The following GLOD4 variants were observed in gnomAD, a reference collection of about 807,000 sequenced individuals.
GLOD4 encodes glyoxalase domain-containing protein 4.
A neutral mutation model predicts 39.1 loss-of-function variants in GLOD4; 44 were observed. That is an observed-to-expected ratio of 1.13 (90% CI 0.88 to 1.45). GLOD4 has a LOEUF of 1.45. Ranked by LOEUF, GLOD4 falls within the 40% of genes most tolerant of loss-of-function variation. The pLI, the probability that GLOD4 is intolerant of heterozygous loss-of-function variation, is 0.00. For synonymous variants in GLOD4, 145 were observed against 135.0 expected, an observed-to-expected ratio of 1.07 and a Z score of -0.52; for missense variants, 405 against 366.4, an observed-to-expected ratio of 1.11 and a Z score of -0.86.
chr17:760,019 G>A lies in GLOD4; in HGVS notation c.*154C>T. ...GATTTCATTTCTAAATTACATCAGAGCTTTCAAAGATTGAAATACACAAAT... is the reference window on the plus strand; with the variant it reads ...GATTTCATTTCTAAATTACATCAGAACTTTCAAAGATTGAAATACACAAAT... On this transcript the variant is annotated 3_prime_UTR_variant, in exon 9 of 9. Coordinates refer to ENST00000301329, the MANE Select transcript of GLOD4 (RefSeq NM_016080.4). 1.6e-6 allele frequency: 1 copy of A among 617,344 alleles called. No homozygotes were observed. The highest frequency in any genetic ancestry group is 2.9e-6 in the Non-Finnish European group (1 of 341,674). The allele number at this position is 617,344 out of a possible 1,614,324, so 38.2% of individuals were successfully genotyped here.
chr17:777,105 T>C (rs1909095835), intron 2 of GLOD4, 117 bp from the exon 3 acceptor site: 1 of 953,882 alleles, frequency 1.0e-6, no homozygotes. Context: ...AAAGTTCTCT[T>C]AAGGATGAGA....
At chr17:766,322 G>A (rs1278655772) in intron 8 of GLOD4, among the ~76,000 whole-genome samples, 3 of 149,602 alleles carry the variant, frequency 2.0e-5, no homozygotes, top group East Asian at 2.0e-4. Flanking sequence ...GGGCCCAGGC[G>A]TGGTGGCTCA....
rs151215297 is a variant in GLOD4, at chr17:771,335, G to A, written c.533C>T (p.Ala178Val). 117 of 1,593,248 alleles carry A rather than the reference G, an allele frequency of 7.3e-5. No individual in the cohort carries two copies. The African/African-American group carries it at 1.5e-3, about 20-fold the overall frequency. Residue 178 changes from alanine (A) to valine (V), a missense_variant, in exon 5 of 9, where the codon GCT becomes GTT. Transcript: ENST00000301329. ...TCCAAGATTGCTCACCTGGTTATCA[G>A]CATAGCCCAGCAAAGCCCTTTGCTT... is the stretch of plus-strand genomic sequence containing the variant. ...EEKQRALLGY[A>V]DNQCKLELQG...
upstream of GLOD4, chr17:783,339 C>A: frequency 3.9e-6 from 6 of 1,556,856 alleles, no homozygotes; most frequent in Non-Finnish European, 4.3e-6. Flanking sequence ...TTAGTGATTA[C>A]CCAGTGTATC....
At chr17:777,140 G>T in intron 2 of GLOD4, 152 bp from the exon 3 acceptor site, 2 of 670,182 alleles carry the variant, frequency 3.0e-6, no homozygotes, top group Non-Finnish European at 5.2e-6. Flanking sequence ...ACAGAAAGCA[G>T]CTGTGGGCAG....
Position 760,012 on chromosome 17 carries a change from C to T in GLOD4, c.*161G>A, listed in dbSNP as rs926069198. On this transcript the variant is annotated 3_prime_UTR_variant, in exon 9 of 9. Transcript: ENST00000301329. ...ATGATTGGATTTCATTTCTAAATTA[C>T]ATCAGAGCTTTCAAAGATTGAAATA... The T allele has an allele frequency of 4.9e-6, 3 of 610,466 alleles. No individual in the cohort carries two copies. The highest frequency in any genetic ancestry group is 5.9e-6 in the Non-Finnish European group (2 of 338,930). The allele number at this position is 610,466 out of a possible 1,614,324, so 37.8% of individuals were successfully genotyped here. A position where few individuals can be genotyped will look rare whatever the true frequency, so the allele number is the denominator to read the frequency against.
At chr17:768,907 C>T (rs979720835) in intron 8 of GLOD4, among the ~76,000 whole-genome samples, 148 of 150,794 alleles carry the variant, frequency 9.8e-4, no homozygotes, top group Non-Finnish European at 1.4e-3. Flanking sequence ...AAACAGCGCG[C>T]ACTCAGATTT....
chr17:778,954 G>A, intron 1 of GLOD4: 2 of 574,886 alleles, frequency 3.5e-6, no homozygotes, highest in African/African-American at 1.9e-5. Flanking sequence ...CAAATCAGTT[G>A]TGAAATCTAT....
chr17:772,187 G>GAAAAAAAAAA (rs58914913), intron 4 of GLOD4, among the ~76,000 whole-genome samples: 1 of 50,854 alleles, frequency 2.0e-5, no homozygotes, highest in Admixed American at 3.3e-4. Context: ...ACCCTATCTC[G>GAAAAAAAAAA]AAAAAAAAAA....
intron 8 of GLOD4, among the ~76,000 whole-genome samples, chr17:761,329 T>C (rs1052558607): frequency 6.6e-6 from 1 of 151,156 alleles, no homozygotes; most frequent in African/African-American, 2.5e-5. Flanking sequence ...AGTTGGACCG[T>C]TTCATTTCTA....
In GLOD4 at chr17:781,788, T is replaced by G. The variant is rs184483599; in HGVS notation, c.90+378A>C. ...AGAAGCAGAACTCTGAATACGCTGATTTTATCTACATCAAAGGCTCCAAAC... is the reference window on the plus strand; with the variant it reads ...AGAAGCAGAACTCTGAATACGCTGAGTTTATCTACATCAAAGGCTCCAAAC... On this transcript the variant is annotated intron_variant, in intron 1 of 8. Coordinates refer to ENST00000301329, the MANE Select transcript of GLOD4 (RefSeq NM_016080.4). The G allele has an allele frequency of 2.0e-3, 426 of 211,710 alleles. 2 individuals carry two copies. The highest frequency in any genetic ancestry group is 9.5e-3 in the African/African-American group (410 of 43,264). The allele number at this position is 211,710 out of a possible 1,614,324, so 13.1% of individuals were successfully genotyped here. A position where few individuals can be genotyped will look rare whatever the true frequency, so the allele number is the denominator to read the frequency against.
At chr17:774,078 G>A (rs753792934) in intron 4 of GLOD4, among the ~76,000 whole-genome samples, 2 of 152,166 alleles carry the variant, frequency 1.3e-5, no homozygotes, top group African/African-American at 4.8e-5. Context: ...AGCTGCAAGC[G>A]TTAAGTTTTA....
At chr17:762,507 CGTG>C (rs1905663822) in intron 8 of GLOD4, among the ~76,000 whole-genome samples, 1 of 136,710 alleles carries the variant, frequency 7.3e-6, no homozygotes, top group Non-Finnish European at 1.6e-5. Flanking sequence ...CTACTCAGTG[CGTG>C]ATCTTCAGGG....
In GLOD4 at chr17:775,850, C is replaced by A; in HGVS notation, c.331G>T (p.Ala111Ser). The change falls in exon 4 of 9, where the codon GCA (alanine) becomes TCA (serine). Residue 111 changes from alanine (A) to serine (S), a missense_variant. Coordinates refer to ENST00000301329, the MANE Select transcript of GLOD4 (RefSeq NM_016080.4). Reference protein sequence around the residue: ...RKLEWPLTEVAEGVFETEAPG... With the variant: ...RKLEWPLTEVSEGVFETEAPG... ...GCCTCGGTTTCAAAAACACCTTCTG[C>A]AACTTCCGTCAGTGGCCACTCCAGC... 6.2e-7 allele frequency: 1 copy of A among 1,613,586 alleles called. No individual in the cohort carries two copies. The highest frequency in any genetic ancestry group is 8.5e-7 in the Non-Finnish European group (1 of 1,179,494).
upstream of GLOD4, among the ~76,000 whole-genome samples, chr17:785,875 A>G (rs935516558): frequency 6.6e-6 from 1 of 152,244 alleles, no homozygotes; most frequent in African/African-American, 2.4e-5. Context: ...TTAAAAGCCT[A>G]CCTGGTAGGA....
At position 771,331 on chromosome 17, in the gene GLOD4, A is replaced by T; in HGVS notation, c.537T>A (p.Asp179Glu). The change falls in exon 5 of 9, where the codon GAT becomes GAA. Residue 179 changes from aspartate to glutamate, a missense_variant. Physicochemically the swap from Asp to Glu is conservative, Grantham distance 45. Coordinates refer to ENST00000301329, the MANE Select transcript of GLOD4 (RefSeq NM_016080.4). ...EKQRALLGYA[D>E]NQCKLELQGV... ...CTTCTCCAAGATTGCTCACCTGGTT[A>T]TCAGCATAGCCCAGCAAAGCCCTTT... is the stretch of plus-strand genomic sequence containing the variant. 6.3e-7 allele frequency: 1 copy of T among 1,585,140 alleles called. No homozygotes were observed. The highest frequency in any genetic ancestry group is 1.2e-5 in the South Asian group (1 of 85,494).
rs1907709409 is a variant in GLOD4 at position 770,240 on chromosome 17, A to C, written c.631-83T>G. The C allele has an allele frequency of 1.4e-5, 11 of 801,284 alleles. No homozygotes were observed. In the East Asian group the frequency reaches 2.7e-4, roughly 19 times the overall value. 49.6% of individuals were successfully genotyped at this position (801,284 alleles called of 1,614,324 possible). ...CTCGTCAGTCCTAGAGGAGTATCAG[A>C]TACCATAAAGAACCAAGGCGCCATT... On this transcript the variant is annotated intron_variant, in intron 6 of 8. Coordinates refer to ENST00000301329, the MANE Select transcript of GLOD4 (RefSeq NM_016080.4).
intron 1 of GLOD4, among the ~76,000 whole-genome samples, chr17:781,705 T>A (rs1406652993): frequency 6.6e-6 from 1 of 151,852 alleles, no homozygotes; most frequent in East Asian, 1.9e-4. Context: ...GGGTTGAGAG[T>A]TGGAGCATAT....
intron 5 of GLOD4, 107 bp downstream of exon 5, chr17:771,218 G>A (rs1178627791): frequency 1.0e-5 from 7 of 670,892 alleles, no homozygotes; most frequent in Admixed American, 2.8e-5. Flanking sequence ...GAAACTATGG[G>A]AACAACCTTC....
Sources: allele counts gnomAD v4.1 joint callset (sites outside exome capture counted in the v4.1 genomes callset), GRCh38; gene constraint gnomAD v4.1.1; transcripts MANE v1.5; gene names NCBI Gene and HGNC (gene_info 2026-07-23, HGNC 2026-07-21).